The following SLC4A1 variants were observed in gnomAD, a reference collection of about 807,000 sequenced individuals.
The protein encoded by SLC4A1 is solute carrier family 4 member 1 (Diego blood group), also known as band 3 anion transport protein.
In SLC4A1, 29 loss-of-function variants were observed where a neutral mutation model predicts 93.1. The observed-to-expected ratio is 0.31, with a 90% CI of 0.23 to 0.42. The LOEUF (loss-of-function observed/expected upper bound fraction) is 0.42. SLC4A1 is among the 20% of genes least tolerant of loss of function. The pLI, the probability that SLC4A1 is intolerant of heterozygous loss-of-function variation, is 1.00. For synonymous variants in SLC4A1, 469 were observed against 497.2 expected, an observed-to-expected ratio of 0.94 and a Z score of 0.76; for missense variants, 965 against 1,190.1, an observed-to-expected ratio of 0.81 and a Z score of 2.78.
chr17:44,257,283 C>A, intron 13 of SLC4A1, 67 bp downstream of exon 13: 1 of 1,508,924 alleles, frequency 6.6e-7, no homozygotes, highest in Admixed American at 1.7e-5. Flanking sequence ...TGAGCCCTCG[C>A]ACCCGGCCAC....
At chr17:44,254,833 C>G (rs1233327718) in intron 15 of SLC4A1, among the ~76,000 whole-genome samples, 171 bp from the exon 16 acceptor site, 1 of 152,204 alleles carries the variant, frequency 6.6e-6, no homozygotes, top group Non-Finnish European at 1.5e-5. Flanking sequence ...CCTTTACATC[C>G]ATCTGCTCGT....
rs2047496056 is a variant in SLC4A1 at position 44,266,365 on chromosome 17, C to A, written c.-69+1689G>T. Reference sequence around the variant, plus strand: ...TGCTAAGGCCTCCAGGGTGTCTAAGCCTTAGGTACTAAAAGTCCCACCCAT... The same window carrying A: ...TGCTAAGGCCTCCAGGGTGTCTAAGACTTAGGTACTAAAAGTCCCACCCAT... On this transcript the variant is annotated intron_variant, in intron 1 of 19. Transcript: ENST00000262418. 2.6e-5 allele frequency among the ~76,000 whole-genome samples: 4 copies of A among 152,216 alleles called. No individual in the cohort carries two copies. In the South Asian group the frequency reaches 6.2e-4, roughly 24 times the overall value.
At chr17:44,267,592 A>G (rs1338787299) in intron 1 of SLC4A1, among the ~76,000 whole-genome samples, 1 of 152,180 alleles carries the variant, frequency 6.6e-6, no homozygotes, top group Non-Finnish European at 1.5e-5. Context: ...AATACTGACC[A>G]CGCTGGGCGT....
intron 13 of SLC4A1, among the ~76,000 whole-genome samples, chr17:44,256,314 T>C (rs2047388607): frequency 6.6e-6 from 1 of 152,188 alleles, no homozygotes; most frequent in African/African-American, 2.4e-5. Flanking sequence ...GGGAGGGCCA[T>C]GGAAGGCAAT....
rs1411140425 is a variant in SLC4A1 at position 44,258,673 on chromosome 17, G to A, written c.877-50C>T. Reference sequence around the variant, plus strand: ...GCTGCCCGGACCTGCGGAGGGAAAGGACCCAGGAGTCCACAGCCAGGGCCT... The same window carrying A: ...GCTGCCCGGACCTGCGGAGGGAAAGAACCCAGGAGTCCACAGCCAGGGCCT... On this transcript the variant is annotated intron_variant, in intron 9 of 19. Coordinates refer to ENST00000262418, the MANE Select transcript of SLC4A1 (RefSeq NM_000342.4). This position sits in a 1 kb window ranked among gnomAD's most constrained non-coding sequence, Gnocchi z 6.1. 12 of 1,534,184 alleles carry A rather than the reference G, an allele frequency of 7.8e-6. No individual in the cohort carries two copies. Among genetic ancestry groups the A allele is most frequent in the Non-Finnish European group, 1.1e-5 (12 of 1,133,164 alleles).
chr17:44,263,707 C>CTCCTTTCTTCCT (rs1555597761), intron 1 of SLC4A1, among the ~76,000 whole-genome samples: 1 of 140,300 alleles, frequency 7.1e-6, no homozygotes. Flanking sequence ...CCTCCCTTCC[C>CTCCTTTCTTCCT]TCCTTCCTTC....
chr17:44,254,842 G>A (rs1333548925), intron 15 of SLC4A1, among the ~76,000 whole-genome samples, 180 bp from the exon 16 acceptor site: 8 of 152,180 alleles, frequency 5.3e-5, no homozygotes, highest in African/African-American at 1.4e-4. Flanking sequence ...CCATCTGCTC[G>A]TTCCCCACTT....
In SLC4A1 at chr17:44,257,278, C is replaced by G; in HGVS notation, c.1626+72G>C. The G allele has an allele frequency of 2.0e-6, 3 of 1,475,246 alleles. No individual in the cohort carries two copies. The South Asian group carries it at 3.4e-5, about 17-fold the overall frequency. The allele number at this position is 1,475,246 out of a possible 1,614,324, so 91.4% of individuals were successfully genotyped here. On this transcript the variant is annotated intron_variant, in intron 13 of 19. Coordinates refer to ENST00000262418, the MANE Select transcript of SLC4A1 (RefSeq NM_000342.4). ...AAGTTCTGAGATTACAGGCCTGAGCCCTCGCACCCGGCCACTGTCTCAGTC... is the reference window on the plus strand; with the variant it reads ...AAGTTCTGAGATTACAGGCCTGAGCGCTCGCACCCGGCCACTGTCTCAGTC...
chr17:44,263,996 T>C (rs951805425), intron 1 of SLC4A1, among the ~76,000 whole-genome samples: 1 of 152,020 alleles, frequency 6.6e-6, no homozygotes, highest in African/African-American at 2.4e-5. Context: ...GGGCTGCTGA[T>C]TTCTTTCTTC....
Position 44,253,381 on chromosome 17 carries a change from G to A in SLC4A1, c.2058-10C>T, listed in dbSNP as rs773193458. 3 of 1,606,966 alleles carry A rather than the reference G, an allele frequency of 1.9e-6. No homozygotes were observed. Among genetic ancestry groups the A allele is most frequent in the East Asian group, 4.5e-5 (2 of 44,678 alleles). On this transcript the variant is annotated splice_polypyrimidine_tract_variant and intron_variant, in intron 16 of 19. Coordinates refer to ENST00000262418, the MANE Select transcript of SLC4A1 (RefSeq NM_000342.4). Reference sequence around the variant, plus strand: ...TTTGCTGACAATCAGCCTACGGTAGGGGAAGGTGAGGGGTAAGCAGGGTTC... The same window carrying A: ...TTTGCTGACAATCAGCCTACGGTAGAGGAAGGTGAGGGGTAAGCAGGGTTC...
intron 1 of SLC4A1, among the ~76,000 whole-genome samples, chr17:44,266,373 A>G (rs2047496107): frequency 6.6e-6 from 1 of 152,128 alleles, no homozygotes; most frequent in African/African-American, 2.4e-5. Flanking sequence ...AGCCTTAGGT[A>G]CTAAAAGTCC....
intron 1 of SLC4A1, among the ~76,000 whole-genome samples, chr17:44,267,685 G>A (rs2047505764): frequency 6.6e-6 from 1 of 152,194 alleles, no homozygotes; most frequent in African/African-American, 2.4e-5. Context: ...CTAGGTGGGA[G>A]AGGGGGTGGT....
chr17:44,265,299 G>A (rs576695318), intron 1 of SLC4A1, among the ~76,000 whole-genome samples: 5 of 152,244 alleles, frequency 3.3e-5, no homozygotes, highest in African/African-American at 1.2e-4. Flanking sequence ...AAGAAGAGCA[G>A]GACGCGTTTG....
At chr17:44,259,612 T>C (rs567043810) in intron 7 of SLC4A1, 31 bp from the exon 8 acceptor site, 146 of 1,579,150 alleles carry the variant, frequency 9.2e-5, no homozygotes, top group Non-Finnish European at 1.2e-4. Flanking sequence ...ACGGGAGTCC[T>C]CGGGCCAGTC....
intron 19 of SLC4A1, 55 bp downstream of exon 19, chr17:44,251,104 A>G: frequency 1.3e-6 from 2 of 1,538,890 alleles, no homozygotes; most frequent in African/African-American, 2.7e-5. Context: ...TAGTTCTGAG[A>G]CGCGCCCCTC....
chr17:44,256,242 CAG>C (rs2047388294), intron 13 of SLC4A1, among the ~76,000 whole-genome samples: 1 of 152,020 alleles, frequency 6.6e-6, no homozygotes, highest in Non-Finnish European at 1.5e-5. Context: ...GACATGGAAA[CAG>C]AGGATAAATG....
In SLC4A1 at chr17:44,259,790, G is replaced by T. The variant is rs1471050523; in HGVS notation, c.609+19C>A. ...CTTGCCCCACCCTGACCCTGACCCT[G>T]ACCCTGTAACTGACTCACCTGCTCA... On this transcript the variant is annotated intron_variant, in intron 7 of 19. Coordinates refer to ENST00000262418, the MANE Select transcript of SLC4A1 (RefSeq NM_000342.4). 6 of 1,613,680 alleles carry T rather than the reference G, an allele frequency of 3.7e-6. No individual in the cohort carries two copies. The highest frequency in any genetic ancestry group is 5.1e-6 in the Non-Finnish European group (6 of 1,180,000).
intron 1 of SLC4A1, among the ~76,000 whole-genome samples, chr17:44,266,546 T>C (rs776620486): frequency 1.3e-5 from 2 of 152,110 alleles, no homozygotes; most frequent in Non-Finnish European, 2.9e-5. Flanking sequence ...AGTCACCCCA[T>C]CTGTACAATG....
In SLC4A1 at chr17:44,262,214, A is replaced by G. The variant is rs1311208023; in HGVS notation, c.106+422T>C. On this transcript the variant is annotated intron_variant, in intron 3 of 19. Transcript: ENST00000262418. Reference sequence around the variant, plus strand: ...AGGTCCTGCCTGGGGCTCCCCACCTAAGACCTTGGACAGGCCAGGGAAGGC... The same window carrying G: ...AGGTCCTGCCTGGGGCTCCCCACCTGAGACCTTGGACAGGCCAGGGAAGGC... The G allele has an allele frequency of 3.0e-5, 11 of 363,590 alleles. No individual in the cohort carries two copies. In the East Asian group the frequency reaches 9.2e-4, roughly 30 times the overall value. The allele number at this position is 363,590 out of a possible 1,614,324, so 22.5% of individuals were successfully genotyped here.
Sources: allele counts gnomAD v4.1 joint callset (sites outside exome capture counted in the v4.1 genomes callset), GRCh38; gene constraint gnomAD v4.1.1; non-coding constraint Gnocchi (gnomAD v3.1); transcripts MANE v1.5; gene names NCBI Gene and HGNC (gene_info 2026-07-23, HGNC 2026-07-21).